The following SLC28A3 variants were observed in gnomAD, a reference collection of about 807,000 sequenced individuals.
SLC28A3 encodes the protein solute carrier family 28 member 3.
SLC28A3 carries 68 observed loss-of-function variants against 84.2 expected under a neutral mutation model. That is an observed-to-expected ratio of 0.81 (90% CI 0.66 to 0.99). The LOEUF is 0.99. SLC28A3 is among the 50% of genes least tolerant of loss of function. The pLI is 0.00. For missense variants in SLC28A3, 712 were observed against 841.5 expected (o/e 0.85, Z 1.90); for synonymous variants, 267 against 303.6 (o/e 0.88, Z 1.25).
rs149980849 is a variant in SLC28A3 at position 84,337,448 on chromosome 9, G to A, written c.60+3126C>T. 5.1e-3 allele frequency among the ~76,000 whole-genome samples: 769 copies of A among 152,136 alleles called. 5 individuals are homozygous for A. The highest frequency in any genetic ancestry group is 0.014 in the Middle Eastern group (4 of 294). On this transcript the variant is annotated intron_variant, in intron 1 of 17. Coordinates refer to ENST00000376238, the MANE Select transcript of SLC28A3 (RefSeq NM_001199633.2). ...GATGCTAGCCTGTGTGTGTGCGCGCGCGTGTGTGTATGCGTATGTGGGTGT... is the reference window on the plus strand; with the variant it reads ...GATGCTAGCCTGTGTGTGTGCGCGCACGTGTGTGTATGCGTATGTGGGTGT...
chr9:84,347,089 T>C, the SLC28A3 span, among the ~76,000 whole-genome samples: 1 of 150,570 alleles, frequency 6.6e-6, no homozygotes, highest in Non-Finnish European at 1.5e-5. Context: ...GGCAGGATAA[T>C]AGCTTGAACC....
At chr9:84,356,239 T>C in the SLC28A3 span, among the ~76,000 whole-genome samples, 2 of 152,094 alleles carry the variant, frequency 1.3e-5, no homozygotes, top group East Asian at 1.9e-4. Context: ...ATGGGATAAT[T>C]TGAGACCCAT....
chr9:84,308,583 T>G (rs545703137), intron 3 of SLC28A3, among the ~76,000 whole-genome samples: 1 of 152,072 alleles, frequency 6.6e-6, no homozygotes, highest in Non-Finnish European at 1.5e-5. Flanking sequence ...GATTTAAAAT[T>G]AGCACCACTG....
At chr9:84,328,653 C>T (rs1826663340) in intron 1 of SLC28A3, among the ~76,000 whole-genome samples, 1 of 152,076 alleles carries the variant, frequency 6.6e-6, no homozygotes, top group South Asian at 2.1e-4. Flanking sequence ...CAGCTTCTCG[C>T]GAGGCTGAGA....
At chr9:84,289,103 T>C (rs113974816) in intron 11 of SLC28A3, among the ~76,000 whole-genome samples, 1,860 of 152,188 alleles carry the variant, frequency 0.012, 40 homozygotes, top group African/African-American at 0.043. Flanking sequence ...CCACATATTT[T>C]CAGAATTCCA....
At chr9:84,285,655 C>A (rs1177367022) in intron 13 of SLC28A3, 113 bp from the exon 14 acceptor site, 4 of 1,154,676 alleles carry the variant, frequency 3.5e-6, no homozygotes, top group Non-Finnish European at 5.0e-6. Context: ...AAAGAAATTC[C>A]TTCTTCCCTT....
At chr9:84,340,767 C>T (rs7035753), upstream of SLC28A3, 539,627 of 938,858 alleles carry the variant, frequency 0.57, 162,122 homozygotes, top group Middle Eastern at 0.68. Flanking sequence ...TTGGAAACTT[C>T]TGCAATAATC....
intron 1 of SLC28A3, among the ~76,000 whole-genome samples, chr9:84,338,955 C>T (rs1448138751): frequency 6.6e-6 from 1 of 152,114 alleles, no homozygotes; most frequent in Non-Finnish European, 1.5e-5. Flanking sequence ...ATTGATATTT[C>T]CCTTGCACAG....
chr9:84,353,710 C>G, the SLC28A3 span, among the ~76,000 whole-genome samples: 18 of 151,960 alleles, frequency 1.2e-4, no homozygotes, highest in Non-Finnish European at 2.5e-4. Flanking sequence ...ACTCTGTCTC[C>G]AAAAACAAAA....
At chr9:84,282,647 A>G (rs1412972927) in intron 14 of SLC28A3, among the ~76,000 whole-genome samples, 3 of 152,174 alleles carry the variant, frequency 2.0e-5, no homozygotes, top group Non-Finnish European at 2.9e-5. Context: ...AGGCCAGACA[A>G]TTTTTCCTCA....
intron 1 of SLC28A3, among the ~76,000 whole-genome samples, chr9:84,334,190 T>G (rs1826887567): frequency 6.6e-6 from 1 of 152,124 alleles, no homozygotes; most frequent in African/African-American, 2.4e-5. Context: ...TCCCAGCTAC[T>G]CAGGAGGCTG....
intron 1 of SLC28A3, among the ~76,000 whole-genome samples, chr9:84,318,801 G>A (rs570443107): frequency 2.6e-5 from 4 of 151,988 alleles, no homozygotes; most frequent in East Asian, 1.9e-4. Context: ...TCTGGGAGGC[G>A]GAGGTTGCAG....
chr9:84,350,543 G>A, the SLC28A3 span, among the ~76,000 whole-genome samples: 1 of 152,016 alleles, frequency 6.6e-6, no homozygotes, highest in Non-Finnish European at 1.5e-5. Flanking sequence ...TACCATGGAT[G>A]GAACTTACAG....
In SLC28A3 at chr9:84,297,993, T is replaced by A. The variant is rs1407456480; in HGVS notation, c.696A>T (p.Gly232=). 1 of 1,612,390 alleles carries A rather than the reference T, an allele frequency of 6.2e-7. No homozygotes were observed. The highest frequency in any genetic ancestry group is 2.2e-5 in the East Asian group (1 of 44,846). Reference sequence around the variant, plus strand: ...GCCCAAGAAGAAACTGTAGCCCGATTCCCCATAAGACAGGTCTCCAGTAAA... The same window carrying A: ...GCCCAAGAAGAAACTGTAGCCCGATACCCCATAAGACAGGTCTCCAGTAAA... ...TRVYWRPVLW[G]IGLQFLLGLL... is the part of the protein sequence containing the mutation. Residue 232 remains glycine, a synonymous_variant, in exon 7 of 18, where the codon GGA becomes GGT. Coordinates refer to ENST00000376238, the MANE Select transcript of SLC28A3 (RefSeq NM_001199633.2).
chr9:84,294,717 C>T (rs547000237), intron 8 of SLC28A3, among the ~76,000 whole-genome samples: 134 of 152,220 alleles, frequency 8.8e-4, no homozygotes, highest in African/African-American at 2.8e-3. Context: ...ACACATAGTG[C>T]CTCCTACTGG....
At chr9:84,304,849 C>T (rs528632187) in intron 4 of SLC28A3, among the ~76,000 whole-genome samples, 4 of 152,300 alleles carry the variant, frequency 2.6e-5, no homozygotes, top group South Asian at 2.1e-4. Flanking sequence ...CAGTGAAACC[C>T]TGTCTCTACT....
chr9:84,357,228 GA>G, the SLC28A3 span, among the ~76,000 whole-genome samples: 3 of 152,182 alleles, frequency 2.0e-5, no homozygotes, highest in African/African-American at 7.2e-5. Context: ...TCCACTGAAT[GA>G]AAATTTGCTC....
the SLC28A3 span, among the ~76,000 whole-genome samples, chr9:84,357,390 T>C: frequency 6.6e-6 from 1 of 152,058 alleles, no homozygotes; most frequent in Non-Finnish European, 1.5e-5. Context: ...AGAGGACTGA[T>C]GTAATAATGT....
the SLC28A3 span, among the ~76,000 whole-genome samples, chr9:84,358,138 C>T: frequency 3.3e-5 from 5 of 152,094 alleles, no homozygotes; most frequent in East Asian, 3.8e-4. Flanking sequence ...TGCTGAACCC[C>T]GATTAGCTTC....
Sources: gnomAD v4.1 joint callset for allele counts (sites outside exome capture counted in the v4.1 genomes callset) on GRCh38, gnomAD v4.1.1 for gene constraint, MANE v1.5 for transcripts, NCBI Gene and HGNC (gene_info 2026-07-23, HGNC 2026-07-21) for gene names.